MED27: variants seen among roughly 807,000 people sequenced by gnomAD.
MED27 encodes mediator complex subunit 27, also known as mediator of RNA polymerase II transcription subunit 27.
A neutral mutation model predicts 38.2 loss-of-function variants in MED27; 30 were observed. That is an observed-to-expected ratio of 0.79 (90% CI 0.59 to 1.07). The LOEUF is 1.07. Among genes scored for constraint, MED27 ranks in the 50% least tolerant of loss-of-function variants. The pLI, the probability that MED27 is intolerant of heterozygous loss-of-function variation, is 0.00. For synonymous variants in MED27, 122 were observed against 153.5 expected, an observed-to-expected ratio of 0.79 and a Z score of 1.52; for missense variants, 289 against 397.5, an observed-to-expected ratio of 0.73 and a Z score of 2.32.
chr9:131,995,314 T>C (rs1345809746), intron 3 of MED27, among the ~76,000 whole-genome samples: 3 of 151,666 alleles, frequency 2.0e-5, no homozygotes, highest in African/African-American at 7.3e-5. Context: ...GTTAGCATGA[T>C]AGACCCATGA....
At chr9:131,965,933 C>T (rs763943504) in intron 3 of MED27, among the ~76,000 whole-genome samples, 3 of 151,108 alleles carry the variant, frequency 2.0e-5, no homozygotes, top group Non-Finnish European at 4.4e-5. Flanking sequence ...CAAAATATAA[C>T]GCACCATTGG....
chr9:131,924,137 T>G (rs1830442803), intron 4 of MED27, among the ~76,000 whole-genome samples: 1 of 152,230 alleles, frequency 6.6e-6, no homozygotes, highest in Non-Finnish European at 1.5e-5. Flanking sequence ...GTACATAGTT[T>G]TCTTAGACAT....
intron 2 of MED27, among the ~76,000 whole-genome samples, chr9:132,075,146 G>A: frequency 6.6e-6 from 1 of 152,098 alleles, no homozygotes; most frequent in Non-Finnish European, 1.5e-5. Flanking sequence ...AGTAAACGGG[G>A]AAAAAAATTG....
At chr9:132,046,881 C>G (rs1245122942) in intron 2 of MED27, among the ~76,000 whole-genome samples, 1 of 152,100 alleles carries the variant, frequency 6.6e-6, no homozygotes, top group Admixed American at 6.5e-5. Flanking sequence ...CAGAGCAGGG[C>G]AAATAAAGCC....
intron 2 of MED27, among the ~76,000 whole-genome samples, chr9:132,038,230 C>T (rs1209031811): frequency 4.1e-5 from 5 of 122,218 alleles, no homozygotes; most frequent in Non-Finnish European, 4.9e-5. Context: ...CTCGCTCTGT[C>T]GCCCAGGCTG....
intron 3 of MED27, among the ~76,000 whole-genome samples, chr9:131,999,702 A>T (rs1012281241): frequency 6.6e-6 from 1 of 152,246 alleles, no homozygotes; most frequent in Non-Finnish European, 1.5e-5. Context: ...TCTAGACTTC[A>T]GTGCTTCAAA....
At chr9:131,951,860 A>T (rs1831005027) in intron 3 of MED27, among the ~76,000 whole-genome samples, 1 of 152,194 alleles carries the variant, frequency 6.6e-6, no homozygotes, top group Non-Finnish European at 1.5e-5. Flanking sequence ...AAAAGCAGGG[A>T]TGTTCTTTCA....
intron 6 of MED27, among the ~76,000 whole-genome samples, chr9:131,875,905 G>A (rs34867007): frequency 0.19 from 28,893 of 152,212 alleles, 3,713 homozygotes; most frequent in Non-Finnish European, 0.27. Flanking sequence ...CCACGCGCCC[G>A]GCTGCGTCTC....
intron 2 of MED27, among the ~76,000 whole-genome samples, chr9:132,064,097 G>C (rs1012503481): frequency 2.0e-5 from 3 of 152,230 alleles, no homozygotes; most frequent in African/African-American, 7.2e-5. Context: ...CATGGATGAT[G>C]TAGTAGTTTG....
chr9:132,059,441 G>A (rs1833652286), intron 2 of MED27, among the ~76,000 whole-genome samples: 1 of 152,248 alleles, frequency 6.6e-6, no homozygotes, highest in African/African-American at 2.4e-5. Flanking sequence ...GTGCTGGCAA[G>A]CTCTAGTGCC....
chr9:132,011,411 G>C (rs1273294635), intron 3 of MED27, among the ~76,000 whole-genome samples: 1 of 151,844 alleles, frequency 6.6e-6, no homozygotes, highest in African/African-American at 2.4e-5. Flanking sequence ...CTATTTCCTA[G>C]CTTAAAAAAG....
Position 131,939,480 on chromosome 9 carries a change from TGGG to T in MED27, c.480-9_480-7del. On this transcript the variant is annotated splice_polypyrimidine_tract_variant and splice_region_variant and intron_variant, in intron 3 of 7. Coordinates refer to ENST00000292035, the MANE Select transcript of MED27 (RefSeq NM_004269.4). ...TGATCACATCATCAACATATCTACA[TGGG>T]AAAAAAATAAACATGTGTGAACTAC... The T allele has an allele frequency of 1.3e-6, 2 of 1,591,100 alleles. No individual in the cohort carries two copies. The highest frequency in any genetic ancestry group is 1.7e-6 in the Non-Finnish European group (2 of 1,168,212).
chr9:132,070,911 G>A (rs897217322), intron 2 of MED27, among the ~76,000 whole-genome samples: 3 of 151,966 alleles, frequency 2.0e-5, no homozygotes, highest in African/African-American at 7.3e-5. Context: ...ACTGGAAAAG[G>A]TGCTGATTAT....
intron 2 of MED27, among the ~76,000 whole-genome samples, chr9:132,061,960 C>T (rs1833706786): frequency 6.6e-6 from 1 of 152,152 alleles, no homozygotes; most frequent in South Asian, 2.1e-4. Context: ...CTTCAGCAAG[C>T]CGAGCTGTGA....
intron 4 of MED27, among the ~76,000 whole-genome samples, chr9:131,924,593 C>T (rs2131556498): frequency 6.6e-6 from 1 of 152,284 alleles, no homozygotes; most frequent in East Asian, 1.9e-4. Context: ...TGAGGCCCTA[C>T]TGACCTGAGA....
intron 6 of MED27, among the ~76,000 whole-genome samples, chr9:131,880,446 C>G (rs1405668231): frequency 6.6e-6 from 1 of 152,184 alleles, no homozygotes; most frequent in East Asian, 1.9e-4. Flanking sequence ...ACCACCTCTC[C>G]CAATTGTGGT....
intron 6 of MED27, among the ~76,000 whole-genome samples, chr9:131,873,773 T>C (rs1838875588): frequency 6.6e-6 from 1 of 152,196 alleles, no homozygotes; most frequent in South Asian, 2.1e-4. Context: ...GCTGACACTT[T>C]AGAGATCAAG....
chr9:131,939,407 G>A lies in MED27; in HGVS notation c.547C>T (p.Pro183Ser), dbSNP rs767788953. The A allele has an allele frequency of 6.2e-7, 1 of 1,611,484 alleles. No individual in the cohort carries two copies. Among genetic ancestry groups the A allele is most frequent in the Non-Finnish European group, 8.5e-7 (1 of 1,178,866 alleles). The change falls in exon 4 of 8, where the codon CCC becomes TCC. Residue 183 changes from proline to serine, a missense_variant. Coordinates refer to ENST00000292035, the MANE Select transcript of MED27 (RefSeq NM_004269.4). ...AGAAGCATTGCTGATGTTCCATTGG[G>A]TCTGGATAAGTGGATGGACATTTCA... ...FPEMSIHLSRPNGTSAMLLVT... is the reference protein window; with the variant it reads ...FPEMSIHLSRSNGTSAMLLVT...
chr9:131,897,301 G>A (rs1318153366), intron 4 of MED27, among the ~76,000 whole-genome samples: 3 of 152,180 alleles, frequency 2.0e-5, no homozygotes, highest in Admixed American at 6.5e-5. Context: ...TAACTACTGT[G>A]GCAAACAATA....
Sources: gnomAD v4.1 joint callset for allele counts (sites outside exome capture counted in the v4.1 genomes callset) on GRCh38, gnomAD v4.1.1 for gene constraint, MANE v1.5 for transcripts, NCBI Gene and HGNC (gene_info 2026-07-23, HGNC 2026-07-21) for gene names.